Variants in TOM1L2 observed in about 807,000 individuals in gnomAD.
TOM1L2 encodes target of myb1 like 2 membrane trafficking protein, also known as TOM1-like protein 2.
TOM1L2 carries 31 observed loss-of-function variants against 67.9 expected under a neutral mutation model. That is an observed-to-expected ratio of 0.46 (90% CI 0.34 to 0.62). TOM1L2 has a LOEUF of 0.62. TOM1L2 is among the 20% of genes least tolerant of loss of function. TOM1L2 has a pLI of 0.01. For synonymous variants in TOM1L2, 256 were observed against 254.0 expected, an observed-to-expected ratio of 1.01 and a Z score of -0.07; for missense variants, 606 against 663.5, an observed-to-expected ratio of 0.91 and a Z score of 0.95.
chr17:17,957,322 ATTC>A (rs2041501337), intron 1 of TOM1L2, among the ~76,000 whole-genome samples: 2 of 152,310 alleles, frequency 1.3e-5, no homozygotes, highest in African/African-American at 4.8e-5. Context: ...AATGCATATG[ATTC>A]TTCTTCAAAA....
Position 17,847,045 on chromosome 17 carries a change from A to AG in TOM1L2, c.*589dup, listed in dbSNP as rs1397424975. The stretch of plus-strand genomic sequence containing the variant: ...GGGCTGGCAGCTGAATGATGGAGAG[A>AG]GGGTCAAGAAGGTGAGAGACCCCCA... On this transcript the variant is annotated 3_prime_UTR_variant, in exon 15 of 15. Coordinates refer to ENST00000379504, the MANE Select transcript of TOM1L2 (RefSeq NM_001082968.2). The AG allele has an allele frequency of 1.3e-5, 2 of 152,726 alleles. No homozygotes were observed. Among genetic ancestry groups the AG allele is most frequent in the African/African-American group, 4.8e-5 (2 of 41,434 alleles). The allele number at this position is 152,726 out of a possible 1,614,324, so 9.5% of individuals were successfully genotyped here. A position where few individuals can be genotyped will look rare whatever the true frequency, so the allele number is the denominator to read the frequency against.
At chr17:17,906,505 G>C (rs2039105345) in intron 2 of TOM1L2, among the ~76,000 whole-genome samples, 1 of 151,746 alleles carries the variant, frequency 6.6e-6, no homozygotes, top group Admixed American at 6.6e-5. Flanking sequence ...CCACAGTCTT[G>C]TCCTCATCTG....
At chr17:17,958,858 C>G (rs2041575215) in intron 1 of TOM1L2, among the ~76,000 whole-genome samples, 1 of 152,166 alleles carries the variant, frequency 6.6e-6, no homozygotes, top group Admixed American at 6.5e-5. Flanking sequence ...CACCTTACCT[C>G]CGGAAAGGGG....
At chr17:17,956,861 C>A (rs796715140) in intron 1 of TOM1L2, among the ~76,000 whole-genome samples, 8 of 152,224 alleles carry the variant, frequency 5.3e-5, no homozygotes, top group African/African-American at 1.9e-4. Context: ...CCCTCCACAT[C>A]TCCCTGCAAG....
intron 1 of TOM1L2, among the ~76,000 whole-genome samples, chr17:17,966,213 C>T (rs1352821303): frequency 2.0e-5 from 3 of 152,152 alleles, no homozygotes; most frequent in African/African-American, 4.8e-5. Context: ...CCTACATTTC[C>T]TTACTGCATT....
chr17:17,935,779 T>C (rs1288495810), intron 1 of TOM1L2, among the ~76,000 whole-genome samples: 4 of 152,210 alleles, frequency 2.6e-5, no homozygotes, highest in African/African-American at 7.2e-5. Context: ...TGAAATACAG[T>C]TGGCAAATCA....
intron 1 of TOM1L2, among the ~76,000 whole-genome samples, chr17:17,969,780 C>G (rs1456181512): frequency 6.6e-6 from 1 of 152,178 alleles, no homozygotes; most frequent in Admixed American, 6.5e-5. Flanking sequence ...TACTGAGCTT[C>G]TACTATGTTC....
chr17:17,864,214 T>C (rs1239448649), intron 10 of TOM1L2, among the ~76,000 whole-genome samples: 1 of 146,122 alleles, frequency 6.8e-6, no homozygotes, highest in African/African-American at 2.5e-5. Flanking sequence ...CCAATTTGAT[T>C]TTTTTTTTTT....
intron 1 of TOM1L2, among the ~76,000 whole-genome samples, chr17:17,942,319 G>A (rs1268756625): frequency 6.6e-6 from 1 of 152,092 alleles, no homozygotes; most frequent in Non-Finnish European, 1.5e-5. Context: ...GGGGGCCTTG[G>A]GGTCAGGCAG....
At chr17:17,965,980 G>A (rs551063228) in intron 1 of TOM1L2, among the ~76,000 whole-genome samples, 23 of 152,216 alleles carry the variant, frequency 1.5e-4, no homozygotes, top group African/African-American at 5.5e-4. Context: ...AATTAGCCGG[G>A]CATGATGGTG....
chr17:17,911,969 GGGTAAGGTCACA>G (rs1180316598), intron 1 of TOM1L2, among the ~76,000 whole-genome samples: 2 of 149,380 alleles, frequency 1.3e-5, no homozygotes, highest in African/African-American at 5.0e-5. Context: ...ACAGGGTTGG[GGGTAAGGTCACA>G]GATCAACAGG....
intron 1 of TOM1L2, among the ~76,000 whole-genome samples, chr17:17,913,062 C>T (rs1448046220): frequency 4.6e-5 from 7 of 151,756 alleles, no homozygotes; most frequent in Admixed American, 2.6e-4. Flanking sequence ...CAGCGGGTGC[C>T]TGCAATCGCA....
intron 1 of TOM1L2, among the ~76,000 whole-genome samples, chr17:17,932,807 G>C (rs1302306128): frequency 6.6e-6 from 1 of 152,142 alleles, no homozygotes; most frequent in Non-Finnish European, 1.5e-5. Context: ...ATCATCTGTA[G>C]AGTTTGTTAA....
At chr17:17,920,228 T>A (rs1341025719) in intron 1 of TOM1L2, among the ~76,000 whole-genome samples, 15 of 151,968 alleles carry the variant, frequency 9.9e-5, no homozygotes, top group Admixed American at 7.9e-4. Flanking sequence ...TTTTTTTTTT[T>A]AATTAATACA....
At chr17:17,968,971 C>T (rs536643807) in intron 1 of TOM1L2, among the ~76,000 whole-genome samples, 2 of 152,232 alleles carry the variant, frequency 1.3e-5, no homozygotes, top group African/African-American at 4.8e-5. Context: ...TTACAATCTA[C>T]ACCACTCATT....
chr17:17,902,383 T>C (rs1034882260), intron 2 of TOM1L2, among the ~76,000 whole-genome samples: 5 of 152,178 alleles, frequency 3.3e-5, no homozygotes, highest in African/African-American at 4.8e-5. Flanking sequence ...CAGCCTCCCA[T>C]TGGTAAAGTA....
At position 17,957,888 on chromosome 17, in the gene TOM1L2, A is replaced by G. The variant is rs187301683; in HGVS notation, c.52+14374T>C. ...GGCGGATCATGAGGTCCGGAGATCA[A>G]GACCATCCTGGCTAACACGGTGAAA... On this transcript the variant is annotated intron_variant, in intron 1 of 14. Coordinates refer to ENST00000379504, the MANE Select transcript of TOM1L2 (RefSeq NM_001082968.2). 1.9e-3 allele frequency among the ~76,000 whole-genome samples: 294 copies of G among 152,014 alleles called. 2 individuals are homozygous for G. In the South Asian group the frequency reaches 0.022, roughly 11 times the overall value.
At chr17:17,900,134 A>G (rs1427489770) in intron 2 of TOM1L2, among the ~76,000 whole-genome samples, 5 of 152,076 alleles carry the variant, frequency 3.3e-5, no homozygotes, top group Non-Finnish European at 7.4e-5. Context: ...AATCGCTTGA[A>G]CCTGGGAGAC....
At chr17:17,953,344 AGAC>A (rs2041289003) in intron 1 of TOM1L2, among the ~76,000 whole-genome samples, 1 of 152,218 alleles carries the variant, frequency 6.6e-6, no homozygotes, top group Non-Finnish European at 1.5e-5. Flanking sequence ...TAAAAACAAA[AGAC>A]TGCAGAGAGT....
Sources: allele counts gnomAD v4.1 joint callset (sites outside exome capture counted in the v4.1 genomes callset), GRCh38; gene constraint gnomAD v4.1.1; transcripts MANE v1.5; gene names NCBI Gene and HGNC (gene_info 2026-07-23, HGNC 2026-07-21).